TTC1: variants seen among roughly 807,000 people sequenced by gnomAD.
TTC1 encodes the protein tetratricopeptide repeat domain 1.
Under a neutral mutation model 37.6 loss-of-function variants are expected in TTC1, and 31 were observed. That is an observed-to-expected ratio of 0.82 (90% CI 0.62 to 1.11). The LOEUF is 1.11. Among genes scored for constraint, TTC1 ranks in the 50% most tolerant of loss-of-function variants. The pLI, the probability that TTC1 is intolerant of heterozygous loss-of-function variation, is 0.00. For missense variants in TTC1, 351 were observed against 339.0 expected (o/e 1.04, Z -0.28); for synonymous variants, 127 against 122.4 (o/e 1.04, Z -0.25).
chr5:160,036,571 C>A, intron 3 of TTC1, 120 bp from the exon 4 acceptor site: 1 of 668,522 alleles, frequency 1.5e-6, no homozygotes. Context: ...AGACTGTTAC[C>A]ATCTTTTAAC....
intron 7 of TTC1, among the ~76,000 whole-genome samples, chr5:160,055,133 T>C (rs1181079318): frequency 6.6e-6 from 1 of 152,196 alleles, no homozygotes; most frequent in Non-Finnish European, 1.5e-5. Flanking sequence ...CAAGCTTTGA[T>C]TCCAGATAGA....
chr5:160,055,691 T>A (rs540709248), intron 7 of TTC1, among the ~76,000 whole-genome samples: 1 of 152,178 alleles, frequency 6.6e-6, no homozygotes, highest in Non-Finnish European at 1.5e-5. Context: ...ATGACCCTGA[T>A]GAGTTGAGAG....
chr5:160,034,654 T>G (rs937449737), intron 2 of TTC1, among the ~76,000 whole-genome samples: 1 of 152,208 alleles, frequency 6.6e-6, no homozygotes, highest in African/African-American at 2.4e-5. Flanking sequence ...TATTATGACA[T>G]TAATCCATTA....
At chr5:160,045,173 T>A (rs1757182149) in intron 5 of TTC1, among the ~76,000 whole-genome samples, 1 of 152,114 alleles carries the variant, frequency 6.6e-6, no homozygotes. Context: ...CTTGTAAGCG[T>A]GATTAGCATG....
intron 7 of TTC1, chr5:160,062,239 A>G (rs1408692945): frequency 6.6e-6 from 1 of 152,234 alleles, no homozygotes; most frequent in Non-Finnish European, 1.5e-5. Flanking sequence ...TCTCGTCGGC[A>G]GTTTGAATAT....
Position 160,010,651 on chromosome 5 carries a change from C to CCAAAT in TTC1, c.125_126insAATCA (p.Ser43IlefsTer47). 6.2e-7 allele frequency: 1 copy of CCAAAT among 1,613,850 alleles called. No individual in the cohort carries two copies. Among genetic ancestry groups the CCAAAT allele is most frequent in the Middle Eastern group, 1.7e-4 (1 of 6,048 alleles). On this transcript the variant is annotated frameshift_variant, in exon 2 of 8. Coordinates refer to ENST00000231238, the MANE Select transcript of TTC1 (RefSeq NM_003314.3). LOFTEE classifies it high-confidence loss of function. Reference sequence around the variant, plus strand: ...TTCCTGATCCCAAAAATCAGCATTCCCAGAGTAAGCTGCTCAGGGATGATG... The same window carrying CCAAAT: ...TTCCTGATCCCAAAAATCAGCATTCCCAAATCAGAGTAAGCTGCTCAGGGATGATG...
chr5:160,047,883 G>A (rs1455305956), intron 5 of TTC1, among the ~76,000 whole-genome samples: 1 of 151,984 alleles, frequency 6.6e-6, no homozygotes, highest in Non-Finnish European at 1.5e-5. Context: ...CCATGACCTT[G>A]TTTTATTTTT....
chr5:160,045,556 C>T (rs201776596), intron 5 of TTC1, among the ~76,000 whole-genome samples: 3,899 of 121,654 alleles, frequency 0.032, 284 homozygotes, highest in Admixed American at 0.067. Context: ...TCTCTCTCCC[C>T]CTCCCCTCTC....
intron 2 of TTC1, among the ~76,000 whole-genome samples, chr5:160,033,957 G>A (rs1756960424): frequency 6.6e-6 from 1 of 152,124 alleles, no homozygotes; most frequent in Non-Finnish European, 1.5e-5. Flanking sequence ...GAAGCTTCAA[G>A]AAGGAGGAAA....
At chr5:160,047,267 A>C (rs1199744662) in intron 5 of TTC1, among the ~76,000 whole-genome samples, 1 of 151,948 alleles carries the variant, frequency 6.6e-6, no homozygotes, top group Non-Finnish European at 1.5e-5. Flanking sequence ...CACACACACA[A>C]AACTTGCAGT....
At chr5:160,014,308 A>G (rs1405655638) in intron 2 of TTC1, among the ~76,000 whole-genome samples, 2 of 151,784 alleles carry the variant, frequency 1.3e-5, no homozygotes, top group Non-Finnish European at 2.9e-5. Flanking sequence ...CAGTGAGCCG[A>G]GATTGGGCCA....
intron 5 of TTC1, among the ~76,000 whole-genome samples, chr5:160,045,395 A>G (rs1656218850): frequency 6.6e-6 from 1 of 150,716 alleles, no homozygotes; most frequent in Admixed American, 6.6e-5. Flanking sequence ...TTCATAGGCA[A>G]ATTACATTTA....
chr5:160,060,900 A>G (rs1753366241), intron 7 of TTC1, among the ~76,000 whole-genome samples: 1 of 152,226 alleles, frequency 6.6e-6, no homozygotes, highest in Non-Finnish European at 1.5e-5. Context: ...CATTGTAGAA[A>G]TTTTAATGTT....
intron 2 of TTC1, among the ~76,000 whole-genome samples, chr5:160,019,580 CTTTT>C (rs201420281): frequency 0.015 from 1,577 of 108,558 alleles, 9 homozygotes; most frequent in African/African-American, 0.036. Context: ...TTCTTTCATT[CTTTT>C]TTTTTTTTTT....
chr5:160,065,104 T>C lies in TTC1; in HGVS notation c.*39T>C, dbSNP rs1420939525. 2.5e-6 allele frequency: 4 copies of C among 1,596,148 alleles called. No homozygotes were observed. The highest frequency in any genetic ancestry group is 3.6e-5 in the Admixed American group (2 of 56,238). On this transcript the variant is annotated 3_prime_UTR_variant, in exon 8 of 8. Transcript: ENST00000231238. The stretch of plus-strand genomic sequence containing the variant: ...AGCTTTACAAGCTGACTTGGAATTG[T>C]GTGCTGCTTGCTGTTAGCTAGGGGA...
intron 2 of TTC1, among the ~76,000 whole-genome samples, chr5:160,013,084 A>G (rs1257379860): frequency 6.6e-6 from 1 of 152,194 alleles, no homozygotes; most frequent in African/African-American, 2.4e-5. Context: ...TAATTTGAAA[A>G]TTTGTAAGAA....
chr5:160,032,702 CTTTTTTTTTTTTTT>C (rs70987990), intron 2 of TTC1, among the ~76,000 whole-genome samples: 3 of 74,712 alleles, frequency 4.0e-5, no homozygotes, highest in African/African-American at 1.1e-4. Context: ...TACCTGCTTT[CTTTTTTTTTTTTTT>C]TTTTTTTTTT....
chr5:160,036,837 A>G, intron 4 of TTC1, 34 bp downstream of exon 4: 1 of 1,477,228 alleles, frequency 6.8e-7, no homozygotes, highest in Non-Finnish European at 9.4e-7. Context: ...TTTAAAAAGC[A>G]CATGGACTTG....
At chr5:160,027,926 T>C (rs1351647503) in intron 2 of TTC1, among the ~76,000 whole-genome samples, 1 of 152,244 alleles carries the variant, frequency 6.6e-6, no homozygotes, top group Admixed American at 6.5e-5. Flanking sequence ...TCTTCAGATG[T>C]AGATCTTCTA....
Sources: gnomAD v4.1 joint callset for allele counts (sites outside exome capture counted in the v4.1 genomes callset) on GRCh38, gnomAD v4.1.1 for gene constraint, MANE v1.5 for transcripts, NCBI Gene and HGNC (gene_info 2026-07-23, HGNC 2026-07-21) for gene names.